Variants in NRXN3 observed in about 807,000 individuals in gnomAD.
NRXN3 encodes the protein neurexin 3.
Under a neutral mutation model 137.6 loss-of-function variants are expected in NRXN3, and 32 were observed. The observed-to-expected ratio is 0.23, with a 90% confidence interval of 0.18 to 0.31. The LOEUF (loss-of-function observed/expected upper bound fraction) is 0.31, where lower values mean the gene tolerates loss of function less well. NRXN3 is among the 10% of genes least tolerant of loss of function. The pLI, the probability that NRXN3 is intolerant of heterozygous loss-of-function variation, is 1.00. For missense variants in NRXN3, 1,574 were observed against 2,062.5 expected (o/e 0.76, Z 4.59); for synonymous variants, 798 against 784.5 (o/e 1.02, Z -0.29).
At chr14:78,973,109 G>A (rs1212945581) in intron 14 of NRXN3, among the ~76,000 whole-genome samples, 1 of 152,168 alleles carries the variant, frequency 6.6e-6, no homozygotes, top group African/African-American at 2.4e-5. Flanking sequence ...ATCAAGAGGA[G>A]ACCTCATGGG....
At chr14:78,816,287 A>G (rs763440949) in intron 10 of NRXN3, among the ~76,000 whole-genome samples, 1 of 152,170 alleles carries the variant, frequency 6.6e-6, no homozygotes, top group Non-Finnish European at 1.5e-5. Context: ...TCCTTTTCCC[A>G]AAGGCAACCA....
chr14:79,235,915 T>TCC (rs1393578058), intron 15 of NRXN3, among the ~76,000 whole-genome samples: 4 of 152,128 alleles, frequency 2.6e-5, no homozygotes, highest in Non-Finnish European at 5.9e-5. Flanking sequence ...GTAATAAGAT[T>TCC]CTCTTCAGAA....
chr14:78,551,971 T>A (rs945567494), intron 4 of NRXN3, among the ~76,000 whole-genome samples: 1 of 152,138 alleles, frequency 6.6e-6, no homozygotes. Flanking sequence ...AGACTTTGCT[T>A]GTTGGTCGCG....
chr14:78,227,463 G>A (rs1002282255), intron 1 of NRXN3, among the ~76,000 whole-genome samples: 29 of 152,312 alleles, frequency 1.9e-4, no homozygotes, highest in African/African-American at 6.5e-4. Context: ...TATGCAGTCA[G>A]TACTTACTTG....
intron 4 of NRXN3, among the ~76,000 whole-genome samples, chr14:78,531,734 G>A (rs1395939158): frequency 6.6e-6 from 1 of 152,172 alleles, no homozygotes; most frequent in African/African-American, 2.4e-5. Flanking sequence ...GATGTAGCCA[G>A]TAGAGGCCAA....
chr14:78,185,325 A>G (rs1280611770), intron 1 of NRXN3, among the ~76,000 whole-genome samples: 1 of 152,210 alleles, frequency 6.6e-6, no homozygotes, highest in Admixed American at 6.5e-5. Flanking sequence ...GGTGGAATTT[A>G]AAGAATATCA....
intron 10 of NRXN3, among the ~76,000 whole-genome samples, chr14:78,952,311 A>G (rs973488419): frequency 1.3e-5 from 2 of 152,214 alleles, no homozygotes; most frequent in Non-Finnish European, 2.9e-5. Flanking sequence ...ACACCTCCTC[A>G]ATCTCTGTTG....
At chr14:78,225,974 G>GTGTGTTGGTGT (rs1394081828) in intron 1 of NRXN3, among the ~76,000 whole-genome samples, 51 of 123,714 alleles carry the variant, frequency 4.1e-4, no homozygotes, top group African/African-American at 1.5e-3. Flanking sequence ...TGTGTGTGTT[G>GTGTGTTGGTGT]GTGTGTGTGT....
At chr14:79,388,653 G>T (rs776947856) in intron 15 of NRXN3, among the ~76,000 whole-genome samples, 1 of 152,042 alleles carries the variant, frequency 6.6e-6, no homozygotes, top group Non-Finnish European at 1.5e-5. Context: ...AGGGACTCCA[G>T]TTCATCATAT....
At chr14:79,103,217 T>A (rs1175418518) in intron 15 of NRXN3, among the ~76,000 whole-genome samples, 1 of 152,086 alleles carries the variant, frequency 6.6e-6, no homozygotes, top group Non-Finnish European at 1.5e-5. Flanking sequence ...CTTTAGAGGT[T>A]ATATGCAGAG....
At chr14:78,696,559 T>C (rs1231217918) in intron 6 of NRXN3, among the ~76,000 whole-genome samples, 2 of 151,988 alleles carry the variant, frequency 1.3e-5, no homozygotes, top group African/African-American at 4.8e-5. Flanking sequence ...TCAGAGTATA[T>C]GCTTCAACTC....
chr14:79,513,529 A>G (rs932630725), intron 16 of NRXN3, among the ~76,000 whole-genome samples: 1 of 152,242 alleles, frequency 6.6e-6, no homozygotes, highest in Non-Finnish European at 1.5e-5. Context: ...CAGTTCTACA[A>G]TATAAATGAC....
At chr14:78,195,335 A>G (rs2061131962) in intron 1 of NRXN3, among the ~76,000 whole-genome samples, 1 of 152,022 alleles carries the variant, frequency 6.6e-6, no homozygotes, top group Non-Finnish European at 1.5e-5. Context: ...TCGTTCGTTC[A>G]TTCATTCATT....
chr14:79,595,676 A>G (rs2097852088), intron 16 of NRXN3, among the ~76,000 whole-genome samples: 1 of 152,188 alleles, frequency 6.6e-6, no homozygotes, highest in African/African-American at 2.4e-5. Context: ...TAAAAACTTC[A>G]TATCACGATA....
chr14:79,606,644 T>C (rs1382155818), intron 16 of NRXN3, among the ~76,000 whole-genome samples: 4 of 152,248 alleles, frequency 2.6e-5, no homozygotes, highest in African/African-American at 9.6e-5. Context: ...TTACTGATTT[T>C]TGTTAATACT....
intron 15 of NRXN3, among the ~76,000 whole-genome samples, chr14:79,054,080 T>C (rs752865595): frequency 2.7e-4 from 39 of 146,402 alleles, no homozygotes; most frequent in Non-Finnish European, 4.9e-4. Flanking sequence ...AAACACCGCA[T>C]GTTCTCACTC....
intron 4 of NRXN3, among the ~76,000 whole-genome samples, chr14:78,574,356 C>T (rs980864062): frequency 1.3e-5 from 2 of 152,310 alleles, no homozygotes; most frequent in African/African-American, 4.8e-5. Flanking sequence ...GGTAGATTCT[C>T]TAATAGGTTA....
At chr14:79,055,164 G>T (rs748046751) in intron 15 of NRXN3, among the ~76,000 whole-genome samples, 42 of 152,122 alleles carry the variant, frequency 2.8e-4, no homozygotes, top group Non-Finnish European at 5.6e-4. Flanking sequence ...CCACCAAATC[G>T]GAACTTCATG....
At chr14:78,719,827 G>C (rs2098451413) in intron 8 of NRXN3, among the ~76,000 whole-genome samples, 1 of 152,058 alleles carries the variant, frequency 6.6e-6, no homozygotes, top group Non-Finnish European at 1.5e-5. Context: ...GGGTGACAGA[G>C]TGACTCCGTC....
Sources: gnomAD v4.1 joint callset for allele counts (sites outside exome capture counted in the v4.1 genomes callset) on GRCh38, gnomAD v4.1.1 for gene constraint, MANE v1.5 for transcripts, NCBI Gene and HGNC (gene_info 2026-07-23, HGNC 2026-07-21) for gene names.